Variants in LY9 observed in about 807,000 individuals in gnomAD.
The protein encoded by LY9 is T-lymphocyte surface antigen Ly-9.
In LY9, 59 loss-of-function variants were observed where a neutral mutation model predicts 64.6. The ratio of observed to expected loss-of-function variants is 0.91; its 90% confidence interval spans 0.74 to 1.13. The LOEUF (loss-of-function observed/expected upper bound fraction) is 1.13. Among genes scored for constraint, LY9 ranks in the 50% most tolerant of loss-of-function variants. The pLI is 0.00. For missense variants in LY9, 789 were observed against 797.2 expected (o/e 0.99, Z 0.12); for synonymous variants, 281 against 308.5 (o/e 0.91, Z 0.93).
At chr1:160,819,159 C>G (rs755141217) in intron 6 of LY9, among the ~76,000 whole-genome samples, 162 bp from the exon 7 acceptor site, 2 of 152,170 alleles carry the variant, frequency 1.3e-5, no homozygotes, top group Non-Finnish European at 2.9e-5. Flanking sequence ...GCCACCCCTT[C>G]ACATAGGCCT....
rs1252749342 is a variant in LY9, at chr1:160,816,565, C to A, written c.1073-29C>A. 1.9e-6 allele frequency: 3 copies of A among 1,558,912 alleles called. No homozygotes were observed. The Admixed American group carries it at 5.7e-5, about 30-fold the overall frequency. ...GACTGCTCAGGGGGCAGGCCTGATT[C>A]CACATGGAGTCTGCCTCTCTCCTCA... On this transcript the variant is annotated intron_variant, in intron 4 of 9. Transcript: ENST00000263285.
chr1:160,822,780 C>A (rs755602855), intron 7 of LY9, among the ~76,000 whole-genome samples: 1 of 152,216 alleles, frequency 6.6e-6, no homozygotes, highest in Non-Finnish European at 1.5e-5. Context: ...GCGCATCCAC[C>A]ATGCCACTGT....
rs190778725 is a variant in LY9 at position 160,819,089 on chromosome 1, T to C, written c.1445-232T>C. 3.2e-3 allele frequency among the ~76,000 whole-genome samples: 489 copies of C among 152,274 alleles called. 6 individuals are homozygous for C. The highest frequency in any genetic ancestry group is 0.01 in the African/African-American group (433 of 41,560). On this transcript the variant is annotated intron_variant, in intron 6 of 9. Coordinates refer to ENST00000263285, the MANE Select transcript of LY9 (RefSeq NM_002348.4). ...GCTATGGCAGAGGAGCTCTCTCTTC[T>C]GGAGGGATGGCAGGAAGCTCCAGAG...
intron 2 of LY9, among the ~76,000 whole-genome samples, chr1:160,808,826 T>C (rs956142979): frequency 6.6e-6 from 1 of 152,232 alleles, no homozygotes; most frequent in Non-Finnish European, 1.5e-5. Flanking sequence ...CTTCTCTTGA[T>C]CTTTTATTTT....
At chr1:160,801,895 G>A (rs779264969) in intron 2 of LY9, 16 of 1,613,856 alleles carry the variant, frequency 9.9e-6, no homozygotes, top group Non-Finnish European at 1.2e-5. Flanking sequence ...GCTGAGCCAC[G>A]TGTGAGCGTG....
At chr1:160,817,473 C>T (rs908279935) in intron 5 of LY9, among the ~76,000 whole-genome samples, 1 of 152,196 alleles carries the variant, frequency 6.6e-6, no homozygotes, top group South Asian at 2.1e-4. Flanking sequence ...CACAGAGTTA[C>T]AGGCTTGTGG....
intron 4 of LY9, among the ~76,000 whole-genome samples, chr1:160,815,561 A>C (rs1229643685): frequency 1.3e-5 from 2 of 152,136 alleles, no homozygotes; most frequent in Non-Finnish European, 2.9e-5. Flanking sequence ...TAATTTTTGT[A>C]CTTTTAGTAG....
At chr1:160,823,895 G>A in intron 8 of LY9, 99 bp downstream of exon 8, 3 of 1,018,316 alleles carry the variant, frequency 2.9e-6, no homozygotes, top group South Asian at 2.9e-5. Flanking sequence ...GCTGGGGCCT[G>A]GAAACAGGAC....
chr1:160,801,762 T>C (rs778333832), intron 2 of LY9: 15 of 1,560,570 alleles, frequency 9.6e-6, no homozygotes, highest in Middle Eastern at 1.7e-4. Flanking sequence ...ACTTCATTCT[T>C]CTGCATGTGA....
At chr1:160,800,582 T>A (rs961840091) in intron 2 of LY9, among the ~76,000 whole-genome samples, 2 of 151,902 alleles carry the variant, frequency 1.3e-5, no homozygotes. Context: ...GGGGTACAAG[T>A]GTAGATTTAT....
At chr1:160,814,079 A>C (rs1667740743) in intron 3 of LY9, among the ~76,000 whole-genome samples, 168 bp downstream of exon 3, 1 of 152,234 alleles carries the variant, frequency 6.6e-6, no homozygotes, top group African/African-American at 2.4e-5. Flanking sequence ...GGCTGGCAGG[A>C]CTTGGGAAAG....
intron 2 of LY9, among the ~76,000 whole-genome samples, chr1:160,804,992 C>T (rs1666840256): frequency 6.6e-6 from 1 of 151,962 alleles, no homozygotes; most frequent in South Asian, 2.1e-4. Flanking sequence ...CTTCTTTCTT[C>T]TTTTCTTAAT....
At chr1:160,803,244 T>C (rs1398381986) in intron 2 of LY9, among the ~76,000 whole-genome samples, 1 of 152,132 alleles carries the variant, frequency 6.6e-6, no homozygotes, top group African/African-American at 2.4e-5. Flanking sequence ...ATCACGCCAC[T>C]GAATGCCAGC....
At chr1:160,805,788 C>T (rs1450981775) in intron 2 of LY9, among the ~76,000 whole-genome samples, 1 of 144,690 alleles carries the variant, frequency 6.9e-6, no homozygotes, top group Non-Finnish European at 1.6e-5. Flanking sequence ...CACACTCTTA[C>T]TCTCACTCTC....
intron 9 of LY9, among the ~76,000 whole-genome samples, chr1:160,827,409 G>A (rs1233298075): frequency 1.3e-5 from 2 of 152,200 alleles, no homozygotes; most frequent in Non-Finnish European, 2.9e-5. Flanking sequence ...TCTTATAAAT[G>A]TTCGTTTTGT....
Position 160,799,983 on chromosome 1 carries a change from A to G in LY9, c.355A>G (p.Ser119Gly), listed in dbSNP as rs1206361134. 1 of 1,614,226 alleles carries G rather than the reference A, an allele frequency of 6.2e-7. No individual in the cohort carries two copies. Among genetic ancestry groups the G allele is most frequent in the South Asian group, 1.1e-5 (1 of 91,082 alleles). The change falls in exon 2 of 10, where the codon AGC becomes GGC. Residue 119 changes from serine (S) to glycine (G), a missense_variant. Physicochemically the swap from Ser to Gly is moderately conservative, Grantham distance 56. Coordinates refer to ENST00000263285, the MANE Select transcript of LY9 (RefSeq NM_002348.4). Reference protein sequence around the residue: ...ITKWSYSLCISNLTLNDAGSY... With the variant: ...ITKWSYSLCIGNLTLNDAGSY... ...CAAGTGGAGTTACTCCCTGTGCATCAGCAATCTGACTCTGAATGATGCAGG... is the reference window on the plus strand; with the variant it reads ...CAAGTGGAGTTACTCCCTGTGCATCGGCAATCTGACTCTGAATGATGCAGG...
chr1:160,813,541 T>A, intron 2 of LY9, 95 bp from the exon 3 acceptor site: 1 of 1,284,770 alleles, frequency 7.8e-7, no homozygotes, highest in Non-Finnish European at 1.1e-6. Context: ...CTCTCTCTGC[T>A]GCCCCCAACT....
At chr1:160,823,234 T>C (rs1431383652) in intron 7 of LY9, among the ~76,000 whole-genome samples, 1 of 152,238 alleles carries the variant, frequency 6.6e-6, no homozygotes, top group Non-Finnish European at 1.5e-5. Context: ...TGCTAAAGTC[T>C]ATCACATGTC....
At position 160,799,808 on chromosome 1, in the gene LY9, G is replaced by A; in HGVS notation, c.180G>A (p.Gly60=). ...CAACAGTGGTGTCAGGGATCCTAGG[G>A]GGTTCCGTGACTCTCCCCCTAAACA... ...SAPTVVSGIL[G]GSVTLPLNIS... Residue 60 remains glycine (G), a synonymous_variant, in exon 2 of 10, where the codon GGG becomes GGA. Transcript: ENST00000263285. 2 of 1,614,076 alleles carry A rather than the reference G, an allele frequency of 1.2e-6. No individual in the cohort carries two copies. The highest frequency in any genetic ancestry group is 2.2e-5 in the South Asian group (2 of 91,076).
Sources: allele counts gnomAD v4.1 joint callset (sites outside exome capture counted in the v4.1 genomes callset), GRCh38; gene constraint gnomAD v4.1.1; transcripts MANE v1.5; gene names NCBI Gene and HGNC (gene_info 2026-07-23, HGNC 2026-07-21).